ROBO1: variants seen among roughly 807,000 people sequenced by gnomAD.
The protein encoded by ROBO1 is roundabout guidance receptor 1.
In ROBO1, 149 loss-of-function variants were observed where a neutral mutation model predicts 195.9. That is an observed-to-expected ratio of 0.76 (90% CI 0.67 to 0.87). The LOEUF (loss-of-function observed/expected upper bound fraction) is 0.87, where lower values mean the gene tolerates loss of function less well. Among genes scored for constraint, ROBO1 ranks in the 40% least tolerant of loss-of-function variants. The pLI is 0.00. For synonymous variants in ROBO1, 816 were observed against 733.2 expected (o/e 1.11, Z -1.82); for missense variants, 1,933 against 2,068.3 (o/e 0.93, Z 1.27).
chr3:78,962,823 CAAAAA>C lies in ROBO1; in HGVS notation c.173-23901_173-23897del, dbSNP rs770515270. On this transcript the variant is annotated intron_variant, in intron 3 of 30. Coordinates refer to ENST00000464233, the MANE Select transcript of ROBO1 (RefSeq NM_002941.4). ...TGGGCGACAGAGTGAGACTCCATCT[CAAAAA>C]AAAAAAAAAAAAAAAAAAAAACTTT... Among the ~76,000 whole-genome samples the C allele has an allele frequency of 7.7e-3, 203 of 26,198 alleles. 2 individuals carry two copies. The highest frequency in any genetic ancestry group is 0.023 in the African/African-American group (188 of 8,350). The allele number at this position is 26,198 out of a possible 152,430, so 17.2% of individuals were successfully genotyped here.
chr3:79,148,168 GCTAT>G (rs1456894316), intron 2 of ROBO1, among the ~76,000 whole-genome samples: 1 of 151,756 alleles, frequency 6.6e-6, no homozygotes. Context: ...TTCCTAGAAG[GCTAT>G]CTGTCTTTAC....
At chr3:78,665,908 G>A (rs1347375946) in intron 14 of ROBO1, among the ~76,000 whole-genome samples, 2 of 151,914 alleles carry the variant, frequency 1.3e-5, no homozygotes, top group Non-Finnish European at 2.9e-5. Context: ...ATTATACTTA[G>A]AGTGATGTGG....
At chr3:78,812,905 T>C (rs1213110745) in intron 4 of ROBO1, among the ~76,000 whole-genome samples, 1 of 152,136 alleles carries the variant, frequency 6.6e-6, no homozygotes. Flanking sequence ...ATTATTTACA[T>C]GGTAGAATTT....
At chr3:78,760,986 C>A (rs1379640013) in intron 4 of ROBO1, among the ~76,000 whole-genome samples, 3 of 151,862 alleles carry the variant, frequency 2.0e-5, no homozygotes, top group Admixed American at 2.0e-4. Flanking sequence ...GAAAAACAAT[C>A]CAAATCAAAT....
At chr3:79,697,759 A>T (rs1350516594) in intron 1 of ROBO1, among the ~76,000 whole-genome samples, 1 of 151,498 alleles carries the variant, frequency 6.6e-6, no homozygotes, top group Non-Finnish European at 1.5e-5. Context: ...ATGAAAAAAT[A>T]CTACTTAGTA....
At chr3:78,859,793 CA>C (rs1559933236) in intron 4 of ROBO1, among the ~76,000 whole-genome samples, 2 of 152,046 alleles carry the variant, frequency 1.3e-5, no homozygotes, top group African/African-American at 2.4e-5. Context: ...TTCAAAGAAA[CA>C]GGGGGAGCCG....
intron 3 of ROBO1, among the ~76,000 whole-genome samples, chr3:79,065,190 T>A (rs762200315): frequency 3.3e-5 from 5 of 151,960 alleles, no homozygotes; most frequent in Non-Finnish European, 7.4e-5. Flanking sequence ...AAGTGAATAA[T>A]CATAACAAAC....
chr3:79,399,578 G>T lies in ROBO1; in HGVS notation c.88+190246C>A, dbSNP rs1367471448. 2.6e-5 allele frequency among the ~76,000 whole-genome samples: 4 copies of T among 152,046 alleles called. No individual in the cohort carries two copies. In the East Asian group the frequency reaches 7.7e-4, roughly 29 times the overall value. On this transcript the variant is annotated intron_variant, in intron 2 of 30. Transcript: ENST00000464233. ...AAGCCTGTATTTAAAAATCAAAAGC[G>T]ATCATGCCCATTCTGGCACAGACAT...
At chr3:79,659,571 C>T (rs540897017) in intron 1 of ROBO1, among the ~76,000 whole-genome samples, 32 of 151,636 alleles carry the variant, frequency 2.1e-4, no homozygotes, top group Non-Finnish European at 3.8e-4. Context: ...AAGAGCATTA[C>T]CGAACAGTTA....
At chr3:79,243,102 C>A (rs962056036) in intron 2 of ROBO1, among the ~76,000 whole-genome samples, 55 of 150,214 alleles carry the variant, frequency 3.7e-4, no homozygotes, top group Middle Eastern at 3.4e-3. Flanking sequence ...TTTGTCCTTG[C>A]GATAGTTTGC....
chr3:79,021,906 C>T (rs573616020), intron 3 of ROBO1, among the ~76,000 whole-genome samples: 79 of 152,152 alleles, frequency 5.2e-4, no homozygotes, highest in Non-Finnish European at 9.8e-4. Flanking sequence ...GTGATGCACC[C>T]GCCTTGGCCT....
intron 2 of ROBO1, among the ~76,000 whole-genome samples, chr3:79,490,943 C>G (rs140936179): frequency 1.2e-4 from 19 of 152,206 alleles, no homozygotes; most frequent in Non-Finnish European, 2.1e-4. Context: ...CTTCCCTCCC[C>G]CTTCCCTTCT....
chr3:79,069,296 T>C (rs1170966270), intron 3 of ROBO1, among the ~76,000 whole-genome samples: 2 of 151,884 alleles, frequency 1.3e-5, no homozygotes, highest in African/African-American at 4.8e-5. Flanking sequence ...ATTTATTTAT[T>C]TACATTTATT....
chr3:79,725,630 T>C (rs936820463), intron 1 of ROBO1, among the ~76,000 whole-genome samples: 2 of 152,192 alleles, frequency 1.3e-5, no homozygotes, highest in Admixed American at 6.5e-5. Flanking sequence ...ACCAATCCTG[T>C]AATGTTATAA....
At chr3:79,708,211 A>T (rs2107206432) in intron 1 of ROBO1, among the ~76,000 whole-genome samples, 1 of 152,286 alleles carries the variant, frequency 6.6e-6, no homozygotes, top group East Asian at 1.9e-4. Flanking sequence ...TACAAGGATT[A>T]AAGTAACATT....
chr3:79,525,367 T>C lies in ROBO1; in HGVS notation c.88+64457A>G, dbSNP rs904923820. ...ATTTTTAAAACACTCATTGTACTGATTGTTATTGAAAATATTATGAGAAAT... is the reference window on the plus strand; with the variant it reads ...ATTTTTAAAACACTCATTGTACTGACTGTTATTGAAAATATTATGAGAAAT... On this transcript the variant is annotated intron_variant, in intron 2 of 30. Transcript: ENST00000464233. Among the ~76,000 whole-genome samples, 5 of 149,668 alleles carry C rather than the reference T, an allele frequency of 3.3e-5. No homozygotes were observed. In the East Asian group the frequency reaches 9.7e-4, roughly 29 times the overall value.
At chr3:79,624,109 C>T (rs748558245) in intron 1 of ROBO1, among the ~76,000 whole-genome samples, 9 of 151,884 alleles carry the variant, frequency 5.9e-5, no homozygotes, top group Admixed American at 2.6e-4. Flanking sequence ...GCTTGATAAG[C>T]GAAGGAGAAA....
intron 2 of ROBO1, among the ~76,000 whole-genome samples, chr3:79,190,565 AACTC>A (rs890226938): frequency 1.3e-5 from 2 of 151,480 alleles, no homozygotes; most frequent in African/African-American, 4.8e-5. Context: ...GCATCTTACA[AACTC>A]ACTGTCTACA....
At chr3:79,538,252 T>C (rs1007603119) in intron 2 of ROBO1, among the ~76,000 whole-genome samples, 5 of 152,144 alleles carry the variant, frequency 3.3e-5, no homozygotes, top group Non-Finnish European at 7.3e-5. Context: ...ATCTTTCCAA[T>C]CATGAGAGAG....
Sources: allele counts gnomAD v4.1 joint callset (sites outside exome capture counted in the v4.1 genomes callset), GRCh38; gene constraint gnomAD v4.1.1; transcripts MANE v1.5; gene names NCBI Gene and HGNC (gene_info 2026-07-23, HGNC 2026-07-21).